Variants in CAMKMT observed in about 807,000 individuals in gnomAD.
CAMKMT encodes calmodulin-lysine N-methyltransferase.
Under a neutral mutation model 48.0 loss-of-function variants are expected in CAMKMT, and 53 were observed. That is an observed-to-expected ratio of 1.10 (90% CI 0.89 to 1.39). The LOEUF (loss-of-function observed/expected upper bound fraction) is 1.39, where lower values mean the gene tolerates loss of function less well. Among genes scored for constraint, CAMKMT ranks in the 40% most tolerant of loss-of-function variants. CAMKMT has a pLI of 0.00. For missense variants in CAMKMT, 428 were observed against 402.7 expected, an observed-to-expected ratio of 1.06 and a Z score of -0.54; for synonymous variants, 165 against 152.3, an observed-to-expected ratio of 1.08 and a Z score of -0.61.
intron 3 of CAMKMT, among the ~76,000 whole-genome samples, chr2:44,577,697 C>CGGAGAG (rs1305199624): frequency 5.0e-5 from 3 of 59,428 alleles, no homozygotes; most frequent in African/African-American, 1.7e-4. Context: ...GAGAGGGAGA[C>CGGAGAG]GGAGAGGGAG....
chr2:44,694,654 G>A (rs892116951), intron 3 of CAMKMT, among the ~76,000 whole-genome samples: 23 of 152,338 alleles, frequency 1.5e-4, no homozygotes, highest in Admixed American at 5.2e-4. Flanking sequence ...CACATTGCCA[G>A]TTTTCCACCT....
chr2:44,605,755 A>T (rs1431953073), intron 3 of CAMKMT, among the ~76,000 whole-genome samples: 1 of 152,094 alleles, frequency 6.6e-6, no homozygotes, highest in Non-Finnish European at 1.5e-5. Context: ...TGATGATCAC[A>T]TATCTTGCTT....
intron 7 of CAMKMT, among the ~76,000 whole-genome samples, chr2:44,738,707 A>G (rs565494498): frequency 4.0e-4 from 61 of 152,294 alleles, no homozygotes; most frequent in African/African-American, 1.4e-3. Flanking sequence ...AAGAAACAAA[A>G]TCAATAATTT....
At chr2:44,666,414 C>G (rs138195298) in intron 3 of CAMKMT, among the ~76,000 whole-genome samples, 2 of 152,090 alleles carry the variant, frequency 1.3e-5, no homozygotes, top group Admixed American at 6.6e-5. Context: ...CCAGGACCCC[C>G]CCGAGCCCTT....
intron 3 of CAMKMT, among the ~76,000 whole-genome samples, chr2:44,408,655 T>A (rs1307286820): frequency 4.6e-5 from 7 of 152,132 alleles, no homozygotes; most frequent in Non-Finnish European, 8.8e-5. Context: ...TTTGTTTTAT[T>A]ACTCTGCCTC....
intron 3 of CAMKMT, among the ~76,000 whole-genome samples, chr2:44,601,451 T>G (rs530366037): frequency 2.6e-5 from 4 of 151,954 alleles, no homozygotes; most frequent in Admixed American, 6.5e-5. Context: ...AGTGAAACTC[T>G]GTCTCAAAAA....
chr2:44,433,204 C>CAT (rs992846284), intron 3 of CAMKMT, among the ~76,000 whole-genome samples: 16 of 152,010 alleles, frequency 1.1e-4, no homozygotes, highest in African/African-American at 2.4e-4. Flanking sequence ...ACTTGAAATA[C>CAT]ATATATATAT....
At chr2:44,680,560 G>A (rs978341446) in intron 3 of CAMKMT, among the ~76,000 whole-genome samples, 1 of 152,178 alleles carries the variant, frequency 6.6e-6, no homozygotes, top group Non-Finnish European at 1.5e-5. Context: ...CGTCACATGT[G>A]AGGAAAATTC....
At chr2:44,485,255 A>G (rs1295209316) in intron 3 of CAMKMT, among the ~76,000 whole-genome samples, 1 of 152,232 alleles carries the variant, frequency 6.6e-6, no homozygotes, top group Non-Finnish European at 1.5e-5. Flanking sequence ...AAGAATGTTC[A>G]TAGTATTTTT....
chr2:44,572,898 C>G (rs1393289307), intron 3 of CAMKMT, among the ~76,000 whole-genome samples: 2 of 152,178 alleles, frequency 1.3e-5, no homozygotes, highest in African/African-American at 4.8e-5. Flanking sequence ...TACATTCCCA[C>G]CAGCAGAGCA....
intron 7 of CAMKMT, among the ~76,000 whole-genome samples, chr2:44,725,143 C>CGTGTGTGTGTGTGTGTGTGTGTGTGTGT (rs4039394): frequency 2.1e-5 from 3 of 140,556 alleles, no homozygotes; most frequent in Non-Finnish European, 3.1e-5. Flanking sequence ...GCTTTCTGGA[C>CGTGTGTGTGTGTGTGTGTGTGTGTGTGT]GTGTGTGTGT....
intron 3 of CAMKMT, among the ~76,000 whole-genome samples, chr2:44,460,716 CTT>C (rs1202949999): frequency 5.6e-4 from 58 of 103,226 alleles, no homozygotes; most frequent in East Asian, 4.7e-3. Context: ...GTGATAGATT[CTT>C]TTTTTTTTTT....
chr2:44,537,185 C>A (rs1377708267), intron 3 of CAMKMT, among the ~76,000 whole-genome samples: 1 of 152,080 alleles, frequency 6.6e-6, no homozygotes, highest in Non-Finnish European at 1.5e-5. Context: ...AACTAAAAAG[C>A]CTCTGCACAG....
At chr2:44,459,087 G>C (rs1043384524) in intron 3 of CAMKMT, among the ~76,000 whole-genome samples, 10 of 151,282 alleles carry the variant, frequency 6.6e-5, no homozygotes, top group Non-Finnish European at 1.3e-4. Flanking sequence ...TACCTCTGTA[G>C]ACATTTCTAA....
rs1029307458 is a variant in CAMKMT at position 44,484,357 on chromosome 2, C to T, written c.376+94052C>T. Among the ~76,000 whole-genome samples the T allele has an allele frequency of 6.6e-5, 10 of 151,918 alleles. No individual in the cohort carries two copies. In the East Asian group the frequency reaches 1.2e-3, roughly 18 times the overall value. ...TATAAAGCTACAGTAATTAAGATAGCGTGGTATTGGTGTAAGGATTGATGA... is the reference window on the plus strand; with the variant it reads ...TATAAAGCTACAGTAATTAAGATAGTGTGGTATTGGTGTAAGGATTGATGA... On this transcript the variant is annotated intron_variant, in intron 3 of 10. Transcript: ENST00000378494.
intron 7 of CAMKMT, among the ~76,000 whole-genome samples, chr2:44,718,341 T>G (rs952220144): frequency 6.6e-6 from 1 of 152,196 alleles, no homozygotes; most frequent in Non-Finnish European, 1.5e-5. Flanking sequence ...GAATCTAAGA[T>G]CCACATATAT....
At chr2:44,537,356 G>A (rs1051162194) in intron 3 of CAMKMT, among the ~76,000 whole-genome samples, 1 of 152,072 alleles carries the variant, frequency 6.6e-6, no homozygotes, top group African/African-American at 2.4e-5. Context: ...AAAGTGAGAA[G>A]GGACATGAAT....
In CAMKMT at chr2:44,657,623, G is replaced by A. The variant is rs954797807; in HGVS notation, c.377-46660G>A. Among the ~76,000 whole-genome samples, 6 of 152,074 alleles carry A rather than the reference G, an allele frequency of 3.9e-5. No homozygotes were observed. Among genetic ancestry groups the A allele is most frequent in the Non-Finnish European group, 8.8e-5 (6 of 68,016 alleles). ...TGTCCCTGACTACAAGTGTTCCTGG[G>A]GCCACGTCTGAAAGCAGCTTATCAC... On this transcript the variant is annotated intron_variant, in intron 3 of 10. Transcript: ENST00000378494. This position sits in a 1 kb window ranked among gnomAD's most constrained non-coding sequence, Gnocchi z 4.3.
At chr2:44,650,825 A>G (rs2104035568) in intron 3 of CAMKMT, among the ~76,000 whole-genome samples, 1 of 149,480 alleles carries the variant, frequency 6.7e-6, no homozygotes, top group South Asian at 2.2e-4. Flanking sequence ...TCCTAACTGT[A>G]TAAAGTTGTA....
Sources: gnomAD v4.1 joint callset for allele counts (sites outside exome capture counted in the v4.1 genomes callset) on GRCh38, gnomAD v4.1.1 for gene constraint, Gnocchi (gnomAD v3.1) non-coding constraint, MANE v1.5 for transcripts, NCBI Gene and HGNC (gene_info 2026-07-23, HGNC 2026-07-21) for gene names.